The following FBXL7 variants were observed in gnomAD, a reference collection of about 807,000 sequenced individuals.
The protein encoded by FBXL7 is F-box and leucine rich repeat protein 7.
In FBXL7, 12 loss-of-function variants were observed where a neutral mutation model predicts 38.3. The observed-to-expected ratio is 0.31, with a 90% CI of 0.20 to 0.51. The LOEUF (loss-of-function observed/expected upper bound fraction) is 0.51, where lower values mean the gene tolerates loss of function less well. Among genes scored for constraint, FBXL7 ranks in the 20% least tolerant of loss-of-function variants. FBXL7 has a pLI of 0.98. For synonymous variants in FBXL7, 297 were observed against 300.9 expected, an observed-to-expected ratio of 0.99 and a Z score of 0.13; for missense variants, 567 against 676.4, an observed-to-expected ratio of 0.84 and a Z score of 1.79.
intron 2 of FBXL7, among the ~76,000 whole-genome samples, chr5:15,877,916 C>G (rs565428060): frequency 5.6e-4 from 85 of 152,262 alleles, no homozygotes; most frequent in African/African-American, 2.0e-3. Context: ...CATGCCCATC[C>G]TTACTCTGTG....
At chr5:15,746,824 A>G (rs1031300814) in intron 2 of FBXL7, among the ~76,000 whole-genome samples, 1 of 152,250 alleles carries the variant, frequency 6.6e-6, no homozygotes, top group South Asian at 2.1e-4. Context: ...ATAAAAATAA[A>G]TCTAAGGGAA....
At chr5:15,881,468 A>G (rs987160056) in intron 2 of FBXL7, among the ~76,000 whole-genome samples, 2 of 152,198 alleles carry the variant, frequency 1.3e-5, no homozygotes, top group African/African-American at 2.4e-5. Context: ...GCAATTGCAG[A>G]TTATGCTGCT....
At chr5:15,647,205 T>G (rs983819420) in intron 2 of FBXL7, among the ~76,000 whole-genome samples, 2 of 152,222 alleles carry the variant, frequency 1.3e-5, no homozygotes, top group African/African-American at 2.4e-5. Context: ...GAAATATCAT[T>G]AATAAGTGCA....
At chr5:15,831,538 TG>T (rs1480084746) in intron 2 of FBXL7, among the ~76,000 whole-genome samples, 1 of 152,166 alleles carries the variant, frequency 6.6e-6, no homozygotes, top group Non-Finnish European at 1.5e-5. Context: ...TCCAGTGCTG[TG>T]GGGAAACACT....
intron 2 of FBXL7, among the ~76,000 whole-genome samples, chr5:15,729,205 G>A (rs77449239): frequency 0.024 from 3,678 of 152,180 alleles, 92 homozygotes; most frequent in East Asian, 0.067. Flanking sequence ...TTTGTTTCTC[G>A]TGGACTATTT....
chr5:15,666,732 C>G (rs1742294414), intron 2 of FBXL7, among the ~76,000 whole-genome samples: 1 of 152,192 alleles, frequency 6.6e-6, no homozygotes, highest in African/African-American at 2.4e-5. Flanking sequence ...CATATCACAG[C>G]TATTCTCTGA....
At chr5:15,829,743 T>C (rs1738404351) in intron 2 of FBXL7, among the ~76,000 whole-genome samples, 17 of 152,194 alleles carry the variant, frequency 1.1e-4, no homozygotes, top group Admixed American at 1.1e-3. Context: ...GTAAAGAATA[T>C]TAATTATCAT....
rs372055854 is a variant in FBXL7 at position 15,624,239 on chromosome 5, A to G, written c.127+8167A>G. 1.7e-4 allele frequency among the ~76,000 whole-genome samples: 26 copies of G among 152,316 alleles called. No individual in the cohort carries two copies. The East Asian group carries it at 4.4e-3, about 26-fold the overall frequency. On this transcript the variant is annotated intron_variant, in intron 2 of 3. Coordinates refer to ENST00000504595, the MANE Select transcript of FBXL7 (RefSeq NM_012304.5). ...AAACTCATGTTGAAATTTGGCCCCC[A>G]ATATGGCAATGTTGAGTGGTGGGGC...
Position 15,735,766 on chromosome 5 carries a change from A to C in FBXL7, c.127+119694A>C, listed in dbSNP as rs145299446. Among the ~76,000 whole-genome samples the C allele has an allele frequency of 2.3e-3, 350 of 152,354 alleles. 3 individuals carry two copies. The highest frequency in any genetic ancestry group is 8.0e-3 in the African/African-American group (334 of 41,594). On this transcript the variant is annotated intron_variant, in intron 2 of 3. Coordinates refer to ENST00000504595, the MANE Select transcript of FBXL7 (RefSeq NM_012304.5). ...GTGAGATTTATTTTGTGAATGGTGAATGATGATCCAGAGAAAACATCATCG... is the reference window on the plus strand; with the variant it reads ...GTGAGATTTATTTTGTGAATGGTGACTGATGATCCAGAGAAAACATCATCG...
chr5:15,797,833 T>C (rs980859858), intron 2 of FBXL7, among the ~76,000 whole-genome samples: 7 of 152,216 alleles, frequency 4.6e-5, no homozygotes, highest in African/African-American at 1.7e-4. Flanking sequence ...TTTTTAAAAA[T>C]ATACGTTTAT....
rs192991896 is a variant in FBXL7 at position 15,813,135 on chromosome 5, T to G, written c.128-114755T>G. On this transcript the variant is annotated intron_variant, in intron 2 of 3. Coordinates refer to ENST00000504595, the MANE Select transcript of FBXL7 (RefSeq NM_012304.5). ...AATACCTTTATTTCTTTCTCTTGCC[T>G]GATTGCCCTGGACAGAACTTCCAAT... 3.2e-3 allele frequency among the ~76,000 whole-genome samples: 491 copies of G among 152,292 alleles called. 8 individuals are homozygous for G. The highest frequency in any genetic ancestry group is 0.011 in the African/African-American group (476 of 41,572).
intron 2 of FBXL7, among the ~76,000 whole-genome samples, chr5:15,714,815 C>T (rs898653994): frequency 1.0e-4 from 15 of 143,912 alleles, no homozygotes; most frequent in Admixed American, 5.0e-4. Flanking sequence ...TGCCACTGCA[C>T]TCCAGCCTGG....
intron 2 of FBXL7, among the ~76,000 whole-genome samples, chr5:15,860,843 C>A (rs966188392): frequency 6.6e-6 from 1 of 152,012 alleles, no homozygotes; most frequent in African/African-American, 2.4e-5. Flanking sequence ...TTGTCTAGAC[C>A]AGATGTCTAA....
intron 1 of FBXL7, among the ~76,000 whole-genome samples, chr5:15,560,890 C>T (rs1057016439): frequency 6.6e-6 from 1 of 152,100 alleles, no homozygotes; most frequent in Non-Finnish European, 1.5e-5. Flanking sequence ...TTGACTCATA[C>T]TGTCTTCTTT....
intron 2 of FBXL7, among the ~76,000 whole-genome samples, chr5:15,654,408 A>C (rs1353612822): frequency 7.2e-6 from 1 of 139,450 alleles, no homozygotes; most frequent in African/African-American, 2.8e-5. Flanking sequence ...AGGAAAATTC[A>C]TAAAAAACTG....
intron 2 of FBXL7, among the ~76,000 whole-genome samples, chr5:15,871,262 A>G (rs914771154): frequency 6.6e-6 from 1 of 152,222 alleles, no homozygotes; most frequent in Non-Finnish European, 1.5e-5. Flanking sequence ...CAACATCAAC[A>G]AAAAGGATGA....
At chr5:15,557,217 C>T (rs1443245173) in intron 1 of FBXL7, among the ~76,000 whole-genome samples, 3 of 152,194 alleles carry the variant, frequency 2.0e-5, no homozygotes, top group East Asian at 1.9e-4. Flanking sequence ...GGATTACAGG[C>T]GTGAGCCACT....
At chr5:15,643,652 T>C (rs1296337066) in intron 2 of FBXL7, among the ~76,000 whole-genome samples, 1 of 152,220 alleles carries the variant, frequency 6.6e-6, no homozygotes, top group Non-Finnish European at 1.5e-5. Flanking sequence ...TTGAAGGCTG[T>C]GCTCAGAGAG....
At chr5:15,926,034 G>C (rs1248121104) in intron 2 of FBXL7, among the ~76,000 whole-genome samples, 1 of 152,054 alleles carries the variant, frequency 6.6e-6, no homozygotes, top group African/African-American at 2.4e-5. Context: ...GCACATTTAA[G>C]GTAGGCTAGG....
Sources: gnomAD v4.1 joint callset for allele counts (sites outside exome capture counted in the v4.1 genomes callset) on GRCh38, gnomAD v4.1.1 for gene constraint, MANE v1.5 for transcripts, NCBI Gene and HGNC (gene_info 2026-07-23, HGNC 2026-07-21) for gene names.